Variants in QTMAN observed in about 807,000 individuals in gnomAD.
The protein encoded by QTMAN is queuosine-tRNA mannosyltransferase, also known as tRNA-queuosine alpha-mannosyltransferase.
At chr2:144,250,122 T>C in the QTMAN span, among the ~76,000 whole-genome samples, 1 of 140,878 alleles carries the variant, frequency 7.1e-6, no homozygotes, top group Non-Finnish European at 1.5e-5. Flanking sequence ...GTGGTTTTTG[T>C]GTTTTTTTTT....
At chr2:144,330,651 C>G in the QTMAN span, among the ~76,000 whole-genome samples, 1 of 152,154 alleles carries the variant, frequency 6.6e-6, no homozygotes, top group Admixed American at 6.5e-5. Flanking sequence ...GGGTCCAAAT[C>G]ATAAATTAAG....
At chr2:144,109,702 A>C in the QTMAN span, among the ~76,000 whole-genome samples, 2 of 152,238 alleles carry the variant, frequency 1.3e-5, no homozygotes, top group African/African-American at 2.4e-5. Flanking sequence ...CAAGAAAAAA[A>C]AAACAACCCC....
At chr2:144,312,543 A>G in the QTMAN span, among the ~76,000 whole-genome samples, 1 of 152,150 alleles carries the variant, frequency 6.6e-6, no homozygotes, top group Non-Finnish European at 1.5e-5. Context: ...TCAACATGCC[A>G]TCTCGACTGA....
chr2:144,028,455 A>C, the QTMAN span, among the ~76,000 whole-genome samples: 1 of 152,214 alleles, frequency 6.6e-6, no homozygotes, highest in African/African-American at 2.4e-5. Context: ...TATTTCTGCT[A>C]TTGGAGATTT....
At chr2:143,982,853 C>CAAAAAA in the QTMAN span, among the ~76,000 whole-genome samples, 12 of 60,920 alleles carry the variant, frequency 2.0e-4, no homozygotes, top group Non-Finnish European at 2.6e-4. Flanking sequence ...GACTCTGTCT[C>CAAAAAA]AAAAAAAAAA....
the QTMAN span, among the ~76,000 whole-genome samples, chr2:144,198,547 CA>C: frequency 6.6e-6 from 1 of 152,066 alleles, no homozygotes; most frequent in Non-Finnish European, 1.5e-5. Context: ...AGCATACAGC[CA>C]AAACACAGGA....
At chr2:144,141,626 C>T in the QTMAN span, among the ~76,000 whole-genome samples, 2 of 149,262 alleles carry the variant, frequency 1.3e-5, no homozygotes, top group Admixed American at 6.7e-5. Context: ...AAACAAAACA[C>T]CGGGCTGCTT....
At chr2:144,267,133 T>G in the QTMAN span, among the ~76,000 whole-genome samples, 3 of 152,254 alleles carry the variant, frequency 2.0e-5, no homozygotes, top group East Asian at 5.8e-4. Context: ...GGACTAGAGT[T>G]TAGGTGATAG....
the QTMAN span, among the ~76,000 whole-genome samples, chr2:144,166,203 T>C: frequency 1.3e-5 from 2 of 152,214 alleles, no homozygotes; most frequent in African/African-American, 4.8e-5. Context: ...TTTATCTCCA[T>C]GCTACTGCTA....
the QTMAN span, among the ~76,000 whole-genome samples, chr2:143,993,219 C>T: frequency 6.6e-6 from 1 of 152,144 alleles, no homozygotes; most frequent in African/African-American, 2.4e-5. Context: ...ATCATTACAT[C>T]TTCAGTGCTT....
chr2:144,290,364 T>A, the QTMAN span, among the ~76,000 whole-genome samples: 1 of 152,212 alleles, frequency 6.6e-6, no homozygotes, highest in Non-Finnish European at 1.5e-5. Context: ...CCATTTCTTC[T>A]CACATATACT....
chr2:144,160,669 TA>T, the QTMAN span, among the ~76,000 whole-genome samples: 2 of 152,120 alleles, frequency 1.3e-5, no homozygotes, highest in African/African-American at 4.8e-5. Flanking sequence ...TCAAGATGCC[TA>T]ACAAAGCATT....
At chr2:144,076,177 G>A in the QTMAN span, among the ~76,000 whole-genome samples, 1 of 152,192 alleles carries the variant, frequency 6.6e-6, no homozygotes, top group Non-Finnish European at 1.5e-5. Context: ...AACCTGGGAG[G>A]TGGAGGTTGC....
At chr2:143,987,318 A>G in the QTMAN span, among the ~76,000 whole-genome samples, 1 of 152,288 alleles carries the variant, frequency 6.6e-6, no homozygotes, top group Non-Finnish European at 1.5e-5. Flanking sequence ...GACAAACACT[A>G]TTTCCATTTC....
At chr2:144,154,372 A>T in the QTMAN span, among the ~76,000 whole-genome samples, 3 of 152,284 alleles carry the variant, frequency 2.0e-5, no homozygotes, top group Admixed American at 2.0e-4. Context: ...GCTAACATTA[A>T]GGGTGATGAA....
the QTMAN span, among the ~76,000 whole-genome samples, chr2:144,164,314 T>C: frequency 2.0e-5 from 3 of 152,078 alleles, no homozygotes; most frequent in South Asian, 4.1e-4. Context: ...ACTCCTCTTA[T>C]AGGGTGGTGT....
the QTMAN span, among the ~76,000 whole-genome samples, chr2:144,122,885 T>G: frequency 6.6e-6 from 1 of 152,154 alleles, no homozygotes. Context: ...CAGCTGGGGT[T>G]GCAAGCCCAA....
At chr2:144,055,342 C>A in the QTMAN span, among the ~76,000 whole-genome samples, 2 of 150,248 alleles carry the variant, frequency 1.3e-5, no homozygotes, top group Admixed American at 6.6e-5. Flanking sequence ...CAGACACACA[C>A]ACACACACAC....
chr2:144,063,478 G>A, the QTMAN span, among the ~76,000 whole-genome samples: 5 of 152,112 alleles, frequency 3.3e-5, no homozygotes, highest in Non-Finnish European at 5.9e-5. Context: ...GACTTATCAA[G>A]AGAAAACATG....
Sources: gnomAD v4.1 joint callset for allele counts (sites outside exome capture counted in the v4.1 genomes callset) on GRCh38, gnomAD v4.1.1 for gene constraint, MANE v1.5 for transcripts, NCBI Gene and HGNC (gene_info 2026-07-23, HGNC 2026-07-21) for gene names.